The following GNS variants were observed in gnomAD, a reference collection of about 807,000 sequenced individuals.
GNS encodes the protein N-acetylglucosamine-6-sulfatase.
GNS carries 40 observed loss-of-function variants against 69.7 expected under a neutral mutation model. The observed-to-expected ratio is 0.57, with a 90% CI of 0.45 to 0.75. The LOEUF (loss-of-function observed/expected upper bound fraction) is 0.75. Among genes scored for constraint, GNS ranks in the 30% least tolerant of loss-of-function variants. GNS has a pLI of 0.00. For synonymous variants in GNS, 243 were observed against 251.6 expected (o/e 0.97, Z 0.32); for missense variants, 565 against 685.5 (o/e 0.82, Z 1.96).
At chr12:64,753,211 G>A (rs1292602901) in intron 1 of GNS, among the ~76,000 whole-genome samples, 1 of 152,088 alleles carries the variant, frequency 6.6e-6, no homozygotes, top group African/African-American at 2.4e-5. Context: ...ACACTCAGTG[G>A]TGGAGGCCAG....
At chr12:64,754,683 G>C (rs1026069581) in intron 1 of GNS, among the ~76,000 whole-genome samples, 4 of 152,058 alleles carry the variant, frequency 2.6e-5, no homozygotes, top group Non-Finnish European at 5.9e-5. Flanking sequence ...GAGGCCAGGA[G>C]TTTGAGACCA....
At position 64,716,624 on chromosome 12, in the gene GNS, A is replaced by G. The variant is rs1027771161; in HGVS notation, c.*117T>C. On this transcript the variant is annotated 3_prime_UTR_variant, in exon 14 of 14. Coordinates refer to ENST00000258145, the MANE Select transcript of GNS (RefSeq NM_002076.4). ...GGTTGCTTTTTCAAACAGGACTTAA[A>G]GCCAGCCCAGAAACTCTTCCAGGTG... 7 of 766,172 alleles carry G rather than the reference A, an allele frequency of 9.1e-6. No homozygotes were observed. In the African/African-American group the frequency reaches 1.0e-4, roughly 11 times the overall value. 47.5% of individuals were successfully genotyped at this position (766,172 alleles called of 1,614,324 possible).
At chr12:64,739,623 A>T in intron 7 of GNS, 124 bp from the exon 8 acceptor site, 1 of 652,734 alleles carries the variant, frequency 1.5e-6, no homozygotes, top group South Asian at 1.7e-5. Context: ...AAAAAAATCC[A>T]AAACAACCCC....
chr12:64,738,815 C>T lies in GNS; in HGVS notation c.994+566G>A, dbSNP rs74737029. 2.1e-3 allele frequency among the ~76,000 whole-genome samples: 169 copies of T among 82,420 alleles called. 4 individuals carry two copies. In the East Asian group the frequency reaches 0.1, roughly 49 times the overall value. 54.1% of individuals were successfully genotyped at this position (82,420 alleles called of 152,430 possible). On this transcript the variant is annotated intron_variant, in intron 8 of 13. Coordinates refer to ENST00000258145, the MANE Select transcript of GNS (RefSeq NM_002076.4). The stretch of plus-strand genomic sequence containing the variant: ...GTGACAGAGCGAGATTCTGTCCCCC[C>T]ACCAGCCCCCCAAAAAAATCACAAT...
At chr12:64,724,581 G>A (rs569699942) in intron 10 of GNS, among the ~76,000 whole-genome samples, 1 of 152,214 alleles carries the variant, frequency 6.6e-6, no homozygotes, top group African/African-American at 2.4e-5. Flanking sequence ...ATGCTGGCTG[G>A]GCACGGTGGC....
At chr12:64,752,614 C>T (rs1870113321) in intron 2 of GNS, 84 bp downstream of exon 2, 2 of 768,550 alleles carry the variant, frequency 2.6e-6, no homozygotes, top group Non-Finnish European at 4.7e-6. Context: ...CCACATAGAT[C>T]ATACCAGATT....
chr12:64,728,072 C>T lies in GNS; in HGVS notation c.1200+884G>A, dbSNP rs542551818. Among the ~76,000 whole-genome samples the T allele has an allele frequency of 5.3e-5, 8 of 152,158 alleles. No individual in the cohort carries two copies. In the South Asian group the frequency reaches 8.3e-4, roughly 16 times the overall value. ...CCGAGTAGCTGGGATTACAGGTGCC[C>T]GCCACCATGCCCAGCTTGTTTTTTG... On this transcript the variant is annotated intron_variant, in intron 10 of 13. Coordinates refer to ENST00000258145, the MANE Select transcript of GNS (RefSeq NM_002076.4).
Position 64,748,907 on chromosome 12 carries a change from T to G in GNS, c.253-989A>C, listed in dbSNP as rs1426602473. 2.0e-5 allele frequency among the ~76,000 whole-genome samples: 3 copies of G among 152,174 alleles called. No homozygotes were observed. In the South Asian group the frequency reaches 6.2e-4, roughly 32 times the overall value. On this transcript the variant is annotated intron_variant, in intron 2 of 13. Transcript: ENST00000258145. ...TATTATCCTTTCAATATTAGCAAGT[T>G]TTTTTGCCTTTCAAATTTGATTTGG...
chr12:64,741,320 C>T (rs188322378), intron 6 of GNS, among the ~76,000 whole-genome samples: 85 of 152,026 alleles, frequency 5.6e-4, no homozygotes, highest in African/African-American at 2.0e-3. Context: ...TACACTCCAG[C>T]CCAAGCCCAA....
intron 2 of GNS, among the ~76,000 whole-genome samples, chr12:64,752,162 G>C (rs1870101503): frequency 6.6e-6 from 1 of 152,076 alleles, no homozygotes; most frequent in Non-Finnish European, 1.5e-5. Context: ...TTCCAGACTA[G>C]GCAGTCTGGC....
intron 13 of GNS, among the ~76,000 whole-genome samples, chr12:64,717,691 TGAA>T (rs1868910384): frequency 6.6e-6 from 1 of 152,064 alleles, no homozygotes; most frequent in Non-Finnish European, 1.5e-5. Context: ...TGTGAAATCA[TGAA>T]GAAGGAAAAA....
At chr12:64,726,682 G>C (rs1361291045) in intron 10 of GNS, among the ~76,000 whole-genome samples, 3 of 152,054 alleles carry the variant, frequency 2.0e-5, no homozygotes, top group African/African-American at 4.8e-5. Flanking sequence ...TTTTTGTAGA[G>C]ACTGGGTCTT....
chr12:64,739,260 G>A (rs1165082624), intron 8 of GNS, 121 bp downstream of exon 8: 1 of 778,618 alleles, frequency 1.3e-6, no homozygotes, highest in Non-Finnish European at 2.4e-6. Context: ...CTGAGGGCAA[G>A]ATCCTCCCTC....
At chr12:64,722,864 T>C in intron 11 of GNS, 142 bp downstream of exon 11, 2 of 673,560 alleles carry the variant, frequency 3.0e-6, no homozygotes, top group Non-Finnish European at 5.5e-6. Context: ...GGATTTACCT[T>C]TGTCCATCTA....
intron 1 of GNS, among the ~76,000 whole-genome samples, chr12:64,756,344 A>T (rs1440868567): frequency 6.6e-6 from 1 of 152,194 alleles, no homozygotes; most frequent in African/African-American, 2.4e-5. Flanking sequence ...TATTATACAC[A>T]AAGTTTTACA....
chr12:64,726,962 G>A (rs557131792), intron 10 of GNS, among the ~76,000 whole-genome samples: 6 of 150,608 alleles, frequency 4.0e-5, no homozygotes, highest in African/African-American at 1.5e-4. Context: ...ATTGGAATAT[G>A]AACACATCTC....
At chr12:64,733,846 T>C (rs1184348379) in intron 9 of GNS, among the ~76,000 whole-genome samples, 2 of 152,228 alleles carry the variant, frequency 1.3e-5, no homozygotes, top group Non-Finnish European at 2.9e-5. Context: ...TTTGCAGAAC[T>C]TCTACCACCA....
intron 2 of GNS, among the ~76,000 whole-genome samples, chr12:64,750,956 G>GT (rs1160132148): frequency 6.6e-6 from 1 of 152,110 alleles, no homozygotes; most frequent in African/African-American, 2.4e-5. Flanking sequence ...GCATATCTAC[G>GT]TATCAAATAT....
intron 1 of GNS, among the ~76,000 whole-genome samples, chr12:64,756,411 C>T (rs973948407): frequency 6.6e-6 from 1 of 152,178 alleles, no homozygotes; most frequent in Non-Finnish European, 1.5e-5. Flanking sequence ...CCTGCAGACT[C>T]TCTGACCTAT....
Sources: allele counts gnomAD v4.1 joint callset (sites outside exome capture counted in the v4.1 genomes callset), GRCh38; gene constraint gnomAD v4.1.1; transcripts MANE v1.5; gene names NCBI Gene and HGNC (gene_info 2026-07-23, HGNC 2026-07-21).